REXO5: variants seen among roughly 807,000 people sequenced by gnomAD.
The protein encoded by REXO5 is RNA exonuclease 5, also known as exonuclease NEF-sp.
Under a neutral mutation model 88.5 loss-of-function variants are expected in REXO5, and 48 were observed. The ratio of observed to expected loss-of-function variants is 0.54; its 90% confidence interval spans 0.43 to 0.69. The LOEUF (loss-of-function observed/expected upper bound fraction) is 0.69, where lower values mean the gene tolerates loss of function less well. REXO5 is among the 30% of genes least tolerant of loss of function. REXO5 has a pLI of 0.00. For synonymous variants in REXO5, 311 were observed against 336.5 expected, an observed-to-expected ratio of 0.92 and a Z score of 0.83; for missense variants, 749 against 912.2, an observed-to-expected ratio of 0.82 and a Z score of 2.30.
intron 15 of REXO5, among the ~76,000 whole-genome samples, chr16:20,842,758 G>C (rs2081550160): frequency 6.6e-6 from 1 of 152,006 alleles, no homozygotes. Flanking sequence ...CCTGACCCTG[G>C]GTTGTTTCTA....
Position 20,806,614 on chromosome 16 carries a change from A to T in REXO5, c.-94A>T, listed in dbSNP as rs1000776653. 2.7e-5 allele frequency: 38 copies of T among 1,388,786 alleles called. No homozygotes were observed. The highest frequency in any genetic ancestry group is 3.4e-5 in the Non-Finnish European group (36 of 1,056,748). The allele number at this position is 1,388,786 out of a possible 1,614,324, so 86.0% of individuals were successfully genotyped here. ...GTTTCCCGGGCTAGGGGGCGTGGGG[A>T]GTGGTTTTAGGCGGCGAAGCCGCTC... On this transcript the variant is annotated 5_prime_UTR_variant, in exon 1 of 20. Transcript: ENST00000261377.
intron 13 of REXO5, among the ~76,000 whole-genome samples, chr16:20,837,868 C>T (rs1045567164): frequency 6.6e-6 from 1 of 152,136 alleles, no homozygotes; most frequent in African/African-American, 2.4e-5. Flanking sequence ...CGGGCTCAAG[C>T]GATCCTCCTG....
intron 18 of REXO5, 42 bp from the exon 19 acceptor site, chr16:20,846,179 A>G (rs2081603839): frequency 1.4e-6 from 2 of 1,469,996 alleles, no homozygotes; most frequent in Non-Finnish European, 1.9e-6. Flanking sequence ...AGGTAACGAG[A>G]GAGTGTTCTG....
intron 15 of REXO5, among the ~76,000 whole-genome samples, chr16:20,841,720 C>T (rs993307794): frequency 1.3e-5 from 2 of 152,148 alleles, no homozygotes; most frequent in African/African-American, 4.8e-5. Context: ...TTTCTCATGC[C>T]TCAGCCTCCC....
At chr16:20,812,939 T>G (rs1349465799) in intron 2 of REXO5, among the ~76,000 whole-genome samples, 1 of 152,254 alleles carries the variant, frequency 6.6e-6, no homozygotes, top group African/African-American at 2.4e-5. Flanking sequence ...AATTATGCTT[T>G]ATTTATCCTA....
chr16:20,832,671 T>G lies in REXO5; in HGVS notation c.1263-332T>G, dbSNP rs565431391. Among the ~76,000 whole-genome samples, 205 of 152,204 alleles carry G rather than the reference T, an allele frequency of 1.3e-3. 1 individual carries two copies. The highest frequency in any genetic ancestry group is 4.7e-3 in the African/African-American group (197 of 41,540). On this transcript the variant is annotated intron_variant, in intron 12 of 19. Transcript: ENST00000261377. ...GGCTTTGTCTCCAGACTATAGCAAA[T>G]GTATCAGATCTTTAGAATTTTGCCT...
At chr16:20,820,530 ATATATATATATATATTTTTTTTTTTTTTT>A (rs2081158365) in intron 5 of REXO5, among the ~76,000 whole-genome samples, 1 of 8,068 alleles carries the variant, frequency 1.2e-4, no homozygotes, top group African/African-American at 4.8e-4. Context: ...ATATATATAT[ATATATATATATATATTTTTTTTTTTTTTT>A]TTTTTTTTTT....
intron 13 of REXO5, among the ~76,000 whole-genome samples, chr16:20,835,639 A>T (rs1596601319): frequency 1.3e-5 from 2 of 150,748 alleles, no homozygotes; most frequent in Admixed American, 6.6e-5. Context: ...GTTCTTAGGA[A>T]TTTTTTTTTT....
chr16:20,847,379 T>C (rs1161973164), intron 19 of REXO5, among the ~76,000 whole-genome samples: 2 of 147,034 alleles, frequency 1.4e-5, no homozygotes, highest in African/African-American at 5.1e-5. Context: ...GAGGTTGCAG[T>C]GAGCTGAGAT....
At chr16:20,839,461 C>A (rs1300716654) in intron 13 of REXO5, among the ~76,000 whole-genome samples, 3 of 151,860 alleles carry the variant, frequency 2.0e-5, no homozygotes, top group Non-Finnish European at 2.9e-5. Context: ...GTGGGAGTTA[C>A]ACTTATTTAT....
chr16:20,834,482 A>G (rs913231940), intron 13 of REXO5, among the ~76,000 whole-genome samples: 5 of 152,130 alleles, frequency 3.3e-5, no homozygotes, highest in East Asian at 1.9e-4. Flanking sequence ...AGCTTTTGCA[A>G]TTTGCGGGTT....
intron 15 of REXO5, 105 bp downstream of exon 15, chr16:20,840,573 C>A (rs1327775729): frequency 2.9e-6 from 3 of 1,023,660 alleles, no homozygotes; most frequent in African/African-American, 3.2e-5. Flanking sequence ...AGCTTGATTG[C>A]TACCAACTGG....
rs1164060201 is a variant in REXO5 at position 20,845,147 on chromosome 16, A to G, written c.2030A>G (p.His677Arg). ...GGCAGGCATGCCCTAACCCCCAGGC[A>G]CCTCCATGCCTGGCTCAGAGGCTTA... ...LKGRHALTPR[H>R]LHAWLRGLPP... Residue 677 changes from histidine to arginine, a missense_variant, in exon 18 of 20, where the codon CAC (histidine) becomes CGC (arginine). Physicochemically the swap from His to Arg is conservative, Grantham distance 29 (BLOSUM62 0). Coordinates refer to ENST00000261377, the MANE Select transcript of REXO5 (RefSeq NM_030941.3). The G allele has an allele frequency of 6.2e-7, 1 of 1,613,980 alleles. No homozygotes were observed. Among genetic ancestry groups the G allele is most frequent in the East Asian group, 2.2e-5 (1 of 44,890 alleles).
chr16:20,837,224 G>A (rs2081445997), intron 13 of REXO5, among the ~76,000 whole-genome samples: 1 of 152,004 alleles, frequency 6.6e-6, no homozygotes, highest in African/African-American at 2.4e-5. Context: ...AATTTTCTTG[G>A]CCTTTTAAGT....
At chr16:20,815,364 G>A (rs1306125836) in intron 4 of REXO5, among the ~76,000 whole-genome samples, 1 of 152,000 alleles carries the variant, frequency 6.6e-6, no homozygotes, top group East Asian at 1.9e-4. Flanking sequence ...TAAAAAAATC[G>A]CAAGATTGGG....
chr16:20,848,678 C>T (rs2081647758), intron 19 of REXO5, among the ~76,000 whole-genome samples: 1 of 152,226 alleles, frequency 6.6e-6, no homozygotes, highest in Non-Finnish European at 1.5e-5. Context: ...CTCCTCAACG[C>T]TGACCCAGTT....
Position 20,846,213 on chromosome 16 carries a change from G to T in REXO5, c.2125-8G>T. 6.2e-7 allele frequency: 1 copy of T among 1,611,394 alleles called. No individual in the cohort carries two copies. The highest frequency in any genetic ancestry group is 1.1e-5 in the South Asian group (1 of 90,962). On this transcript the variant is annotated splice_polypyrimidine_tract_variant and splice_region_variant and intron_variant, in intron 18 of 19. Transcript: ENST00000261377. ...TGGCTGAGTATCGACACATGGCTTT[G>T]ATCCCAGACTCTGAAACTGGACCAC...
intron 19 of REXO5, 57 bp from the exon 20 acceptor site, chr16:20,849,342 T>C (rs1382703599): frequency 1.3e-6 from 2 of 1,498,462 alleles, no homozygotes; most frequent in Admixed American, 3.4e-5. Flanking sequence ...TAGGCATTTA[T>C]AACCATTCAT....
chr16:20,827,377 A>T lies in REXO5; in HGVS notation c.985A>T (p.Thr329Ser). Residue 329 changes from threonine to serine, a missense_variant, in exon 10 of 20, where the codon ACA (threonine) becomes TCA (serine). Physicochemically the swap from Thr to Ser is moderately conservative, Grantham distance 58. Coordinates refer to ENST00000261377, the MANE Select transcript of REXO5 (RefSeq NM_030941.3). The part of the protein sequence containing the change: ...LKMIHPYVID[T>S]SLLYVREQGR... ...GATGATACATCCATATGTTATTGAT[A>T]CATCGTTGCTTTATGTCAGAGAGCA... The T allele has an allele frequency of 6.2e-7, 1 of 1,613,396 alleles. No homozygotes were observed. Among genetic ancestry groups the T allele is most frequent in the Non-Finnish European group, 8.5e-7 (1 of 1,179,538 alleles).
Sources: gnomAD v4.1 joint callset for allele counts (sites outside exome capture counted in the v4.1 genomes callset) on GRCh38, gnomAD v4.1.1 for gene constraint, MANE v1.5 for transcripts, NCBI Gene and HGNC (gene_info 2026-07-23, HGNC 2026-07-21) for gene names.